The following DEPDC1B variants were observed in gnomAD, a reference collection of about 807,000 sequenced individuals.
The protein encoded by DEPDC1B is DEP domain-containing protein 1B.
Under a neutral mutation model 66.5 loss-of-function variants are expected in DEPDC1B, and 51 were observed. That is an observed-to-expected ratio of 0.77 (90% CI 0.61 to 0.97). The LOEUF (loss-of-function observed/expected upper bound fraction) is 0.97. DEPDC1B is among the 50% of genes least tolerant of loss of function. The probability of loss-of-function intolerance (pLI) is 0.00; values close to 1 mark genes in which losing one functional copy is unlikely to be tolerated. For synonymous variants in DEPDC1B, 226 were observed against 223.6 expected, an observed-to-expected ratio of 1.01 and a Z score of -0.10; for missense variants, 552 against 637.1, an observed-to-expected ratio of 0.87 and a Z score of 1.44.
chr5:60,636,295 T>C (rs914799701), intron 7 of DEPDC1B, among the ~76,000 whole-genome samples: 2 of 152,212 alleles, frequency 1.3e-5, no homozygotes, highest in African/African-American at 2.4e-5. Flanking sequence ...TGCCAAGTCT[T>C]TTTTAAAGAA....
At chr5:60,637,660 TCTC>T (rs1423550998) in intron 7 of DEPDC1B, among the ~76,000 whole-genome samples, 1 of 152,090 alleles carries the variant, frequency 6.6e-6, no homozygotes, top group African/African-American at 2.4e-5. Context: ...GGCCCCCAAT[TCTC>T]CTCAGTTGGA....
chr5:60,627,815 AAGAT>A (rs1450364707), intron 7 of DEPDC1B, among the ~76,000 whole-genome samples: 1 of 152,160 alleles, frequency 6.6e-6, no homozygotes, highest in Non-Finnish European at 1.5e-5. Flanking sequence ...AAATAAAAAA[AAGAT>A]AGGAGGAAAG....
intron 2 of DEPDC1B, among the ~76,000 whole-genome samples, chr5:60,680,128 T>G (rs1732445885): frequency 6.6e-6 from 1 of 152,192 alleles, no homozygotes; most frequent in South Asian, 2.1e-4. Flanking sequence ...TTCAATCTCC[T>G]CATCCATTAG....
intron 1 of DEPDC1B, among the ~76,000 whole-genome samples, chr5:60,697,801 TCTTAA>T (rs755675779): frequency 8.7e-4 from 133 of 152,228 alleles, no homozygotes; most frequent in Non-Finnish European, 2.4e-4. Context: ...TCATTTATCT[TCTTAA>T]CTTAATCAAC....
chr5:60,629,790 T>A (rs1752884211), intron 7 of DEPDC1B, among the ~76,000 whole-genome samples: 1 of 152,158 alleles, frequency 6.6e-6, no homozygotes, highest in Admixed American at 6.5e-5. Context: ...AGATATATAA[T>A]CCCCCATAAT....
intron 7 of DEPDC1B, among the ~76,000 whole-genome samples, chr5:60,637,216 C>A (rs996211227): frequency 6.6e-6 from 1 of 152,098 alleles, no homozygotes; most frequent in African/African-American, 2.4e-5. Context: ...CTCCAGTGTT[C>A]GAGGTGGGGC....
chr5:60,677,326 A>ACACTCT lies in DEPDC1B; in HGVS notation c.314+9635_314+9636insAGAGTG, dbSNP rs770640655. The stretch of plus-strand genomic sequence containing the variant: ...CACACACACACACACACACACACAC[A>ACACTCT]CTCTCTCTCTCTCTCTCTCTCTCTC... On this transcript the variant is annotated intron_variant, in intron 2 of 10. Coordinates refer to ENST00000265036, the MANE Select transcript of DEPDC1B (RefSeq NM_018369.3). 5.6e-3 allele frequency among the ~76,000 whole-genome samples: 610 copies of ACACTCT among 108,494 alleles called. 3 individuals are homozygous for ACACTCT. The highest frequency in any genetic ancestry group is 8.3e-3 in the African/African-American group (209 of 25,280). The allele number at this position is 108,494 out of a possible 152,430, so 71.2% of individuals were successfully genotyped here.
intron 2 of DEPDC1B, among the ~76,000 whole-genome samples, chr5:60,660,875 G>T (rs570981582): frequency 6.6e-6 from 1 of 152,328 alleles, no homozygotes; most frequent in African/African-American, 2.4e-5. Flanking sequence ...AAGGAGGACA[G>T]ATGGTTCCTC....
chr5:60,686,423 C>G (rs1295084826), intron 2 of DEPDC1B, among the ~76,000 whole-genome samples: 4 of 152,186 alleles, frequency 2.6e-5, no homozygotes, highest in African/African-American at 4.8e-5. Flanking sequence ...CTTGGATTAT[C>G]TGGCGGTAAG....
intron 2 of DEPDC1B, among the ~76,000 whole-genome samples, chr5:60,649,196 A>G (rs1335243638): frequency 1.3e-5 from 2 of 152,202 alleles, no homozygotes; most frequent in Non-Finnish European, 2.9e-5. Context: ...CTCTCTAAAT[A>G]ATAATTTATT....
chr5:60,644,939 G>A (rs1753276098), intron 4 of DEPDC1B, 64 bp from the exon 5 acceptor site: 1 of 1,285,480 alleles, frequency 7.8e-7, no homozygotes, highest in African/African-American at 1.5e-5. Flanking sequence ...CAAAAACCTG[G>A]TACTACAAAA....
intron 2 of DEPDC1B, among the ~76,000 whole-genome samples, chr5:60,673,188 T>C (rs12517174): frequency 0.34 from 52,266 of 152,038 alleles, 10,598 homozygotes; most frequent in East Asian, 0.57. Context: ...AAGTGTCACC[T>C]CTACAGCAAA....
chr5:60,619,520 G>A (rs1417722840), intron 7 of DEPDC1B, among the ~76,000 whole-genome samples: 12 of 151,828 alleles, frequency 7.9e-5, no homozygotes, highest in South Asian at 4.2e-4. Flanking sequence ...GCCAAATCAC[G>A]AGTGAACTCC....
chr5:60,646,289 GA>G (rs1753314039), intron 3 of DEPDC1B, among the ~76,000 whole-genome samples: 1 of 152,172 alleles, frequency 6.6e-6, no homozygotes, highest in Non-Finnish European at 1.5e-5. Context: ...AAGACTAGAA[GA>G]ATCTACCTTT....
intron 2 of DEPDC1B, among the ~76,000 whole-genome samples, chr5:60,683,733 G>A (rs1331331749): frequency 6.6e-6 from 1 of 151,696 alleles, no homozygotes; most frequent in Non-Finnish European, 1.5e-5. Context: ...CACTCTTACT[G>A]AAAATAGTAC....
intron 7 of DEPDC1B, among the ~76,000 whole-genome samples, chr5:60,616,118 C>T (rs1343915179): frequency 6.6e-6 from 1 of 152,122 alleles, no homozygotes; most frequent in Non-Finnish European, 1.5e-5. Context: ...ACAGAAAGGA[C>T]ATCCACACCA....
intron 6 of DEPDC1B, among the ~76,000 whole-genome samples, chr5:60,639,915 T>G (rs1240082379): frequency 6.6e-6 from 1 of 152,126 alleles, no homozygotes; most frequent in African/African-American, 2.4e-5. Context: ...CCCCAGAGGA[T>G]CAAAAGCAGC....
At chr5:60,699,111 G>A (rs1381296852) in intron 1 of DEPDC1B, among the ~76,000 whole-genome samples, 1 of 152,092 alleles carries the variant, frequency 6.6e-6, no homozygotes, top group Non-Finnish European at 1.5e-5. Flanking sequence ...TGTGTGGCTG[G>A]CTTTGGAAAG....
intron 2 of DEPDC1B, among the ~76,000 whole-genome samples, chr5:60,667,564 T>A (rs1324757049): frequency 6.9e-6 from 1 of 144,664 alleles, no homozygotes; most frequent in Non-Finnish European, 1.5e-5. Context: ...TTTACATATA[T>A]AAAAAAGTGG....
Sources: gnomAD v4.1 joint callset for allele counts (sites outside exome capture counted in the v4.1 genomes callset) on GRCh38, gnomAD v4.1.1 for gene constraint, MANE v1.5 for transcripts, NCBI Gene and HGNC (gene_info 2026-07-23, HGNC 2026-07-21) for gene names.